Variants in ZNF727 observed in about 807,000 individuals in gnomAD.
The protein encoded by ZNF727 is zinc finger protein 727, also known as putative zinc finger protein 727.
A neutral mutation model predicts 11.5 loss-of-function variants in ZNF727; 11 were observed. The ratio of observed to expected loss-of-function variants is 0.95; its 90% CI spans 0.60 to 1.58. The LOEUF is 1.58. Among genes scored for constraint, ZNF727 ranks in the 40% most tolerant of loss-of-function variants. ZNF727 has a pLI of 0.00. For missense variants in ZNF727, 533 were observed against 581.7 expected (o/e 0.92, Z 0.86); for synonymous variants, 171 against 196.1 (o/e 0.87, Z 1.07).
At chr7:64,061,645 C>T (rs1562793022) in intron 1 of ZNF727, among the ~76,000 whole-genome samples, 1 of 151,694 alleles carries the variant, frequency 6.6e-6, no homozygotes, top group Admixed American at 6.6e-5. Context: ...CAATCTGTGT[C>T]TTTTGATTGA....
At chr7:64,067,493 C>G (rs1789888589) in intron 1 of ZNF727, among the ~76,000 whole-genome samples, 1 of 152,068 alleles carries the variant, frequency 6.6e-6, no homozygotes, top group Non-Finnish European at 1.5e-5. Flanking sequence ...AACCCAAATG[C>G]CCATCAGTGA....
At chr7:64,048,848 A>C (rs1450653153) in intron 1 of ZNF727, among the ~76,000 whole-genome samples, 6 of 152,220 alleles carry the variant, frequency 3.9e-5, no homozygotes, top group Non-Finnish European at 8.8e-5. Context: ...TGTTCTTTGA[A>C]AGCCAGGCAG....
intron 1 of ZNF727, among the ~76,000 whole-genome samples, chr7:64,062,037 CTATTTA>C (rs55752050): frequency 0.64 from 96,243 of 150,970 alleles, 31,358 homozygotes; most frequent in Non-Finnish European, 0.71. Flanking sequence ...TTTGTCGTTT[CTATTTA>C]TATCTTATTA....
intron 1 of ZNF727, 35 bp from the exon 2 acceptor site, chr7:64,068,856 C>A (rs117560839): frequency 0.034 from 53,474 of 1,557,110 alleles, 1,169 homozygotes; most frequent in Admixed American, 0.062. Flanking sequence ...AGAATTATTT[C>A]TTTGGTCACT....
chr7:64,052,431 C>T (rs1789615270), intron 1 of ZNF727, among the ~76,000 whole-genome samples: 1 of 147,640 alleles, frequency 6.8e-6, no homozygotes, highest in Non-Finnish European at 1.5e-5. Flanking sequence ...ATATGACTTG[C>T]TCCTTCTTGC....
chr7:64,076,409 A>T (rs1327105133), intron 3 of ZNF727, among the ~76,000 whole-genome samples: 3 of 152,122 alleles, frequency 2.0e-5, no homozygotes, highest in East Asian at 3.9e-4. Context: ...TCAGAAGTTC[A>T]AGATTAGCCT....
At chr7:64,057,555 A>G (rs1242682704) in intron 1 of ZNF727, among the ~76,000 whole-genome samples, 1 of 152,086 alleles carries the variant, frequency 6.6e-6, no homozygotes, top group Non-Finnish European at 1.5e-5. Context: ...GGGGCCTGTC[A>G]GGGGGCGGGG....
At chr7:64,056,711 AC>A (rs1789691638) in intron 1 of ZNF727, among the ~76,000 whole-genome samples, 1 of 152,176 alleles carries the variant, frequency 6.6e-6, no homozygotes, top group African/African-American at 2.4e-5. Context: ...TTTTCATCCT[AC>A]AAAAAATGTA....
rs1330740699 is a variant in ZNF727, at chr7:64,048,689, A to G, written c.3+3065A>G. 3.9e-5 allele frequency among the ~76,000 whole-genome samples: 6 copies of G among 152,228 alleles called. No homozygotes were observed. In the East Asian group the frequency reaches 1.2e-3, roughly 29 times the overall value. ...CTAGTATAATTGTAGCCAGTAAATC[A>G]GTAGCTTTTTTTGTTTTTAAGCTGC... On this transcript the variant is annotated intron_variant, in intron 1 of 3. Coordinates refer to ENST00000456806, the MANE Select transcript of ZNF727 (RefSeq NM_001159522.3).
At chr7:64,068,794 A>G in intron 1 of ZNF727, 97 bp from the exon 2 acceptor site, 3 of 1,388,570 alleles carry the variant, frequency 2.2e-6, no homozygotes, top group Non-Finnish European at 2.0e-6. Flanking sequence ...CCAGTAACTC[A>G]TATAAGTCAG....
intron 3 of ZNF727, among the ~76,000 whole-genome samples, chr7:64,075,769 C>A (rs1355356485): frequency 6.6e-6 from 1 of 152,108 alleles, no homozygotes; most frequent in African/African-American, 2.4e-5. Flanking sequence ...TGAAAAGCTA[C>A]CTATGGGGTA....
Position 64,045,634 on chromosome 7 carries a change from C to G in ZNF727, c.3+10C>G. 1 of 1,559,322 alleles carries G rather than the reference C, an allele frequency of 6.4e-7. No individual in the cohort carries two copies. The highest frequency in any genetic ancestry group is 8.7e-7 in the Non-Finnish European group (1 of 1,151,276). ...CGGAGGCTGGGAAATGGTGAGTGCG[C>G]GGAGTGGGTGTCCCGAGAAGGGGGA... On this transcript the variant is annotated intron_variant, in intron 1 of 3. Coordinates refer to ENST00000456806, the MANE Select transcript of ZNF727 (RefSeq NM_001159522.3).
At chr7:64,046,313 TGAGCC>T (rs1789506070) in intron 1 of ZNF727, among the ~76,000 whole-genome samples, 1 of 152,200 alleles carries the variant, frequency 6.6e-6, no homozygotes, top group South Asian at 2.1e-4. Context: ...ATTACATGCA[TGAGCC>T]ACTGTCGTAG....
intron 3 of ZNF727, among the ~76,000 whole-genome samples, chr7:64,076,329 G>T (rs1159279718): frequency 5.9e-5 from 9 of 151,914 alleles, no homozygotes; most frequent in Non-Finnish European, 1.0e-4. Context: ...AAACTACAAG[G>T]GTCAGGCGTG....
intron 3 of ZNF727, among the ~76,000 whole-genome samples, chr7:64,076,336 C>T (rs1279286374): frequency 2.6e-5 from 4 of 152,032 alleles, no homozygotes; most frequent in African/African-American, 4.8e-5. Flanking sequence ...AAGGGTCAGG[C>T]GTGGTGGCTC....
At position 64,045,457 on chromosome 7, in the gene ZNF727, T is replaced by C; in HGVS notation, c.-165T>C. The stretch of plus-strand genomic sequence containing the variant: ...GCGGGCTCTTCAATATGGCAAGGCC[T>C]TCGTCTCCTAGCTTCTAGGCTCTGA... On this transcript the variant is annotated 5_prime_UTR_variant, in exon 1 of 4. Transcript: ENST00000456806. 1 of 998,124 alleles carries C rather than the reference T, an allele frequency of 1.0e-6. No homozygotes were observed. The highest frequency in any genetic ancestry group is 1.5e-6 in the Non-Finnish European group (1 of 646,176). The allele number at this position is 998,124 out of a possible 1,614,324, so 61.8% of individuals were successfully genotyped here.
chr7:64,068,244 A>G (rs927116777), intron 1 of ZNF727, among the ~76,000 whole-genome samples: 11 of 151,884 alleles, frequency 7.2e-5, no homozygotes, highest in African/African-American at 2.4e-4. Context: ...AGTGATGTGC[A>G]AAAACAAGAT....
In ZNF727 at chr7:64,068,902, A is replaced by G; in HGVS notation, c.15A>G (p.Thr5=). 2 of 1,599,242 alleles carry G rather than the reference A, an allele frequency of 1.3e-6. No homozygotes were observed. The highest frequency in any genetic ancestry group is 1.7e-6 in the Non-Finnish European group (2 of 1,172,150). The part of the protein sequence containing the change: MRVL[T]FRDVAVEFSP... ...GTTTTGTTTTTCAGCGAGTGCTAAC[A>G]TTCAGGGATGTGGCTGTAGAATTCT... Residue 5 remains threonine, a synonymous_variant, in exon 2 of 4, where the codon ACA becomes ACG. Transcript: ENST00000456806.
chr7:64,059,926 G>A (rs895546649), intron 1 of ZNF727, among the ~76,000 whole-genome samples: 4 of 152,006 alleles, frequency 2.6e-5, no homozygotes, highest in African/African-American at 9.7e-5. Context: ...AATTAGAAAT[G>A]TCTTTCTCTA....
Sources: gnomAD v4.1 joint callset for allele counts (sites outside exome capture counted in the v4.1 genomes callset) on GRCh38, gnomAD v4.1.1 for gene constraint, MANE v1.5 for transcripts, NCBI Gene and HGNC (gene_info 2026-07-23, HGNC 2026-07-21) for gene names.